The following BACH2 variants were observed in gnomAD, a reference collection of about 807,000 sequenced individuals.
The protein encoded by BACH2 is BACH transcriptional regulator 2, also known as transcription regulator protein BACH2.
In BACH2, 5 loss-of-function variants were observed where a neutral mutation model predicts 61.8. The ratio of observed to expected loss-of-function variants is 0.08; its 90% confidence interval spans 0.04 to 0.17. The LOEUF is 0.17. Ranked by LOEUF, BACH2 falls within the 10% of genes least tolerant of loss-of-function variation. The pLI is 1.00. For missense variants in BACH2, 824 were observed against 1,091.1 expected (o/e 0.76, Z 3.45); for synonymous variants, 446 against 440.1 (o/e 1.01, Z -0.17).
At chr6:90,021,067 A>G (rs548853306) in intron 5 of BACH2, among the ~76,000 whole-genome samples, 94 of 152,270 alleles carry the variant, frequency 6.2e-4, no homozygotes, top group African/African-American at 2.0e-3. Context: ...CATATACCCC[A>G]ATCATCTCAT....
At chr6:90,132,385 A>G (rs948364972) in intron 4 of BACH2, among the ~76,000 whole-genome samples, 1 of 152,184 alleles carries the variant, frequency 6.6e-6, no homozygotes, top group Non-Finnish European at 1.5e-5. Flanking sequence ...GTTACATACC[A>G]GCCACCCCTC....
At chr6:89,990,569 GA>G (rs1324322687) in intron 6 of BACH2, among the ~76,000 whole-genome samples, 1 of 151,436 alleles carries the variant, frequency 6.6e-6, no homozygotes, top group African/African-American at 2.4e-5. Flanking sequence ...CAGTTTGCAA[GA>G]AAAACTAAAA....
chr6:90,146,639 T>C (rs1048243992), intron 4 of BACH2, among the ~76,000 whole-genome samples: 7 of 152,136 alleles, frequency 4.6e-5, no homozygotes, highest in African/African-American at 1.7e-4. Flanking sequence ...AAATAGAAAA[T>C]TGAAAAATTA....
chr6:90,162,889 C>T (rs550170859), intron 4 of BACH2, among the ~76,000 whole-genome samples: 3 of 152,108 alleles, frequency 2.0e-5, no homozygotes, highest in Non-Finnish European at 2.9e-5. Context: ...CGTGTGTCTC[C>T]GAAATCTGCA....
At position 89,973,015 on chromosome 6, in the gene BACH2, G is replaced by A. The variant is rs185023287; in HGVS notation, c.244-21153C>T. Among the ~76,000 whole-genome samples, 1,136 of 152,304 alleles carry A rather than the reference G, an allele frequency of 7.5e-3. 7 individuals are homozygous for A. Among genetic ancestry groups the A allele is most frequent in the Non-Finnish European group, 9.9e-3 (671 of 68,018 alleles). On this transcript the variant is annotated intron_variant, in intron 6 of 8. Coordinates refer to ENST00000257749, the MANE Select transcript of BACH2 (RefSeq NM_021813.4). The stretch of plus-strand genomic sequence containing the variant: ...TGAGGCAGGAGAATCGCTTGAAACC[G>A]GAAGGCAGAGGTTGCAGTGAGCTGA...
chr6:90,239,004 T>C (rs989402667), intron 3 of BACH2, among the ~76,000 whole-genome samples: 2 of 152,232 alleles, frequency 1.3e-5, no homozygotes, highest in African/African-American at 4.8e-5. Flanking sequence ...ATTGCAAAGT[T>C]AAACGACCAC....
rs537778014 is a variant in BACH2, at chr6:90,263,328, G to T, written c.-353+8521C>A. ...TGATGATGCCTGATGTGCTTAGTTA[G>T]ACAGACAGCTTAATATGGTTCCCCT... is the stretch of plus-strand genomic sequence containing the variant. On this transcript the variant is annotated intron_variant, in intron 2 of 8. Transcript: ENST00000257749. Among the ~76,000 whole-genome samples the T allele has an allele frequency of 2.8e-3, 377 of 132,748 alleles. 4 individuals are homozygous for T. Among genetic ancestry groups the T allele is most frequent in the African/African-American group, 0.015 (357 of 23,872 alleles). The allele number at this position is 132,748 out of a possible 152,430, so 87.1% of individuals were successfully genotyped here. A position where few individuals can be genotyped will look rare whatever the true frequency, so the allele number is the denominator to read the frequency against.
intron 5 of BACH2, among the ~76,000 whole-genome samples, chr6:90,039,143 G>C (rs371855701): frequency 6.6e-6 from 1 of 151,678 alleles, no homozygotes; most frequent in Non-Finnish European, 1.5e-5. Context: ...CATAATACTT[G>C]ACTAGAAGGT....
rs147626866 is a variant in BACH2, at chr6:89,983,937, A to G, written c.243+24665T>C. Among the ~76,000 whole-genome samples, 292 of 152,350 alleles carry G rather than the reference A, an allele frequency of 1.9e-3. No homozygotes were observed. The Middle Eastern group carries it at 0.02, about 11-fold the overall frequency. ...TTCATGGTCTTATTACTCCTTGCTTAGTCCGTTGCAACAACCTGGCTGTTG... is the reference window on the plus strand; with the variant it reads ...TTCATGGTCTTATTACTCCTTGCTTGGTCCGTTGCAACAACCTGGCTGTTG... On this transcript the variant is annotated intron_variant, in intron 6 of 8. Transcript: ENST00000257749.
At position 89,938,825 on chromosome 6, in the gene BACH2, T is replaced by C. The variant is rs184891978; in HGVS notation, c.1837-475A>G. Among the ~76,000 whole-genome samples, 8 of 152,212 alleles carry C rather than the reference T, an allele frequency of 5.3e-5. No individual in the cohort carries two copies. The East Asian group carries it at 7.7e-4, about 15-fold the overall frequency. On this transcript the variant is annotated intron_variant, in intron 7 of 8. Transcript: ENST00000257749. ...AACCCAGTGTGATTCTTAGTTACAA[T>C]AGCATATGGGAGATAGGAGGAGATA...
chr6:90,081,062 G>A (rs1028991644), intron 5 of BACH2, among the ~76,000 whole-genome samples: 3 of 152,122 alleles, frequency 2.0e-5, no homozygotes, highest in African/African-American at 4.8e-5. Context: ...TGAACGCAGC[G>A]AAAGCAAAAC....
intron 7 of BACH2, among the ~76,000 whole-genome samples, chr6:89,947,657 C>G (rs1773814740): frequency 6.6e-6 from 1 of 152,044 alleles, no homozygotes; most frequent in Non-Finnish European, 1.5e-5. Context: ...GCTCCGCCTC[C>G]CGGGCTCACG....
At chr6:90,295,540 A>G (rs2127896310) in intron 1 of BACH2, among the ~76,000 whole-genome samples, 1 of 152,138 alleles carries the variant, frequency 6.6e-6, no homozygotes, top group East Asian at 1.9e-4. Context: ...CCGCCGGGTG[A>G]GCGAAGCACA....
At chr6:90,062,804 C>A in intron 5 of BACH2, 1 of 459,302 alleles carries the variant, frequency 2.2e-6, no homozygotes, top group Non-Finnish European at 2.8e-6. Context: ...AATTGACAAA[C>A]TACTCAAACA....
intron 4 of BACH2, among the ~76,000 whole-genome samples, chr6:90,171,140 G>A (rs1767797641): frequency 6.6e-6 from 1 of 152,102 alleles, no homozygotes; most frequent in Admixed American, 6.5e-5. Flanking sequence ...GCTGGGTGCA[G>A]TGGCTCACGC....
chr6:90,111,658 C>T (rs1296532687), intron 4 of BACH2, among the ~76,000 whole-genome samples: 1 of 152,220 alleles, frequency 6.6e-6, no homozygotes, highest in East Asian at 1.9e-4. Context: ...ACTCAACCTG[C>T]CCATACACAT....
intron 4 of BACH2, among the ~76,000 whole-genome samples, chr6:90,164,665 T>G (rs373576067): frequency 5.0e-4 from 76 of 152,280 alleles, no homozygotes; most frequent in South Asian, 1.5e-3. Flanking sequence ...AAATCCTCAA[T>G]AAAATACTGG....
intron 5 of BACH2, among the ~76,000 whole-genome samples, chr6:90,058,641 A>G (rs1780504140): frequency 6.6e-6 from 1 of 152,108 alleles, no homozygotes; most frequent in Non-Finnish European, 1.5e-5. Flanking sequence ...TTCATATGGA[A>G]CCAAAAAAGA....
intron 5 of BACH2, among the ~76,000 whole-genome samples, chr6:90,054,877 C>G (rs1025180884): frequency 6.6e-6 from 1 of 152,230 alleles, no homozygotes; most frequent in Non-Finnish European, 1.5e-5. Context: ...TGGAGTGGAC[C>G]TCTAGCAAAC....
Sources: gnomAD v4.1 joint callset for allele counts (sites outside exome capture counted in the v4.1 genomes callset) on GRCh38, gnomAD v4.1.1 for gene constraint, MANE v1.5 for transcripts, NCBI Gene and HGNC (gene_info 2026-07-23, HGNC 2026-07-21) for gene names.